The following SPAG16 variants were observed in gnomAD, a reference collection of about 807,000 sequenced individuals.
SPAG16 encodes the protein sperm-associated antigen 16 protein.
Under a neutral mutation model 80.4 loss-of-function variants are expected in SPAG16, and 86 were observed. The observed-to-expected ratio is 1.07, with a 90% CI of 0.90 to 1.28. SPAG16 has a LOEUF of 1.28. Among genes scored for constraint, SPAG16 ranks in the 50% most tolerant of loss-of-function variants. SPAG16 has a pLI of 0.00. For synonymous variants in SPAG16, 294 were observed against 265.9 expected (o/e 1.11, Z -1.03); for missense variants, 870 against 765.3 (o/e 1.14, Z -1.61).
At chr2:213,495,402 A>C (rs1184275824) in intron 10 of SPAG16, among the ~76,000 whole-genome samples, 1 of 152,242 alleles carries the variant, frequency 6.6e-6, no homozygotes, top group East Asian at 1.9e-4. Context: ...CTAATGAGCT[A>C]TCTCTTTGTG....
At chr2:214,013,212 C>A (rs549879945) in intron 12 of SPAG16, among the ~76,000 whole-genome samples, 59 of 141,274 alleles carry the variant, frequency 4.2e-4, no homozygotes, top group African/African-American at 1.4e-3. Context: ...AGTAATTAAT[C>A]GGTGCATTAA....
chr2:213,780,910 A>T (rs560948503), intron 10 of SPAG16, among the ~76,000 whole-genome samples: 69 of 152,290 alleles, frequency 4.5e-4, no homozygotes, highest in African/African-American at 1.6e-3. Flanking sequence ...CTAATAGTAT[A>T]CATTACCACT....
intron 15 of SPAG16, among the ~76,000 whole-genome samples, chr2:214,320,131 C>T (rs865784198): frequency 6.6e-6 from 1 of 152,122 alleles, no homozygotes; most frequent in Non-Finnish European, 1.5e-5. Context: ...TTCACCTTAT[C>T]GCTAACCCTA....
At chr2:213,779,811 C>T (rs1330193545) in intron 10 of SPAG16, among the ~76,000 whole-genome samples, 1 of 152,096 alleles carries the variant, frequency 6.6e-6, no homozygotes, top group Non-Finnish European at 1.5e-5. Flanking sequence ...AGTCTGAATA[C>T]TTAAAAATTG....
chr2:214,090,627 T>C (rs182315333), intron 13 of SPAG16, among the ~76,000 whole-genome samples: 1 of 152,076 alleles, frequency 6.6e-6, no homozygotes, highest in Non-Finnish European at 1.5e-5. Flanking sequence ...TCAACCCCAA[T>C]TTTCTTTGCA....
At position 213,566,896 on chromosome 2, in the gene SPAG16, A is replaced by G. The variant is rs1309815527; in HGVS notation, c.1070+76806A>G. 2.0e-5 allele frequency among the ~76,000 whole-genome samples: 3 copies of G among 152,220 alleles called. No individual in the cohort carries two copies. The East Asian group carries it at 5.8e-4, about 29-fold the overall frequency. ...ATAGATTGTGACACCAAATATAAGA[A>G]TCACTTTTTAAATTTTCTGAACACA... On this transcript the variant is annotated intron_variant, in intron 10 of 15. Coordinates refer to ENST00000331683, the MANE Select transcript of SPAG16 (RefSeq NM_024532.5).
At chr2:213,484,027 AT>A (rs1405722616) in intron 9 of SPAG16, among the ~76,000 whole-genome samples, 4 of 152,206 alleles carry the variant, frequency 2.6e-5, no homozygotes, top group African/African-American at 7.2e-5. Flanking sequence ...TGTTAAAATA[AT>A]GATGCTGTGA....
chr2:214,015,313 T>G (rs142117829), intron 13 of SPAG16, among the ~76,000 whole-genome samples: 120 of 152,126 alleles, frequency 7.9e-4, no homozygotes, highest in African/African-American at 2.8e-3. Flanking sequence ...AAAGGGCTGG[T>G]TTCGGCTGGG....
rs529166891 is a variant in SPAG16 at position 213,712,701 on chromosome 2, CA to C, written c.1071-149778del. On this transcript the variant is annotated intron_variant, in intron 10 of 15. Transcript: ENST00000331683. ...CCTTCCATATCAAGTGAAGCTGTCT[CA>C]AAAAAGACCATACTGAGAACTTACT... Among the ~76,000 whole-genome samples, 66 of 151,994 alleles carry C rather than the reference CA, an allele frequency of 4.3e-4. 1 individual carries two copies. In the South Asian group the frequency reaches 0.013, roughly 30 times the overall value.
intron 9 of SPAG16, among the ~76,000 whole-genome samples, chr2:213,454,366 C>T (rs554854296): frequency 6.6e-6 from 1 of 152,134 alleles, no homozygotes; most frequent in Non-Finnish European, 1.5e-5. Flanking sequence ...GGTTTTTAAT[C>T]CATATATTTG....
chr2:213,702,151 A>T (rs951662343), intron 10 of SPAG16, among the ~76,000 whole-genome samples: 3 of 152,212 alleles, frequency 2.0e-5, no homozygotes, highest in African/African-American at 7.2e-5. Flanking sequence ...AAACACTCCA[A>T]TCAGCTCTCT....
Position 213,490,079 on chromosome 2 carries a change from TC to T in SPAG16, c.1061del (p.Pro354GlnfsTer2). 1 of 1,582,340 alleles carries T rather than the reference TC, an allele frequency of 6.3e-7. No homozygotes were observed. ...LKNIFRLHEL[P>X]VSCVSMQPHK... ...AAAACATTTTTAGACTCCATGAACTTCCAGTGAGCTGGTAGGATTTTTGATG... is the reference window on the plus strand; with the variant it reads ...AAAACATTTTTAGACTCCATGAACTTCAGTGAGCTGGTAGGATTTTTGATG... On this transcript the variant is annotated frameshift_variant, in exon 10 of 16. Coordinates refer to ENST00000331683, the MANE Select transcript of SPAG16 (RefSeq NM_024532.5). LOFTEE classifies it high-confidence loss of function.
At chr2:214,302,787 A>G (rs779808589) in intron 15 of SPAG16, among the ~76,000 whole-genome samples, 1 of 152,154 alleles carries the variant, frequency 6.6e-6, no homozygotes, top group African/African-American at 2.4e-5. Flanking sequence ...CTGGCCAAAT[A>G]CTTCATTTTA....
At chr2:214,126,245 G>A (rs760411919) in intron 14 of SPAG16, among the ~76,000 whole-genome samples, 4 of 151,220 alleles carry the variant, frequency 2.6e-5, no homozygotes, top group South Asian at 4.2e-4. Flanking sequence ...CTTTCTTTGG[G>A]GGAGAGAAGT....
chr2:214,303,180 T>G (rs1272643463), intron 15 of SPAG16, among the ~76,000 whole-genome samples: 1 of 152,228 alleles, frequency 6.6e-6, no homozygotes, highest in Non-Finnish European at 1.5e-5. Flanking sequence ...GTTAGCTAGT[T>G]GCTTTGTAGT....
chr2:213,343,234 T>C (rs1456933478), intron 6 of SPAG16, among the ~76,000 whole-genome samples: 3 of 152,066 alleles, frequency 2.0e-5, no homozygotes, highest in African/African-American at 7.2e-5. Context: ...GTAACCTCAC[T>C]GAATACTCTG....
chr2:213,707,284 A>G (rs1302618840), intron 10 of SPAG16, among the ~76,000 whole-genome samples: 2 of 152,176 alleles, frequency 1.3e-5, no homozygotes, highest in Non-Finnish European at 2.9e-5. Flanking sequence ...CCCCTCATGA[A>G]TCATGTTCAA....
chr2:214,298,131 CACATACACATACACACACACACACAT>C (rs1168338928), intron 15 of SPAG16, among the ~76,000 whole-genome samples: 6 of 144,372 alleles, frequency 4.2e-5, no homozygotes, highest in African/African-American at 1.5e-4. Flanking sequence ...CACACACACA[CACATACACATACACACACACACACAT>C]ATACACACAC....
chr2:213,393,609 A>G (rs549342732), intron 9 of SPAG16, among the ~76,000 whole-genome samples: 32 of 152,130 alleles, frequency 2.1e-4, no homozygotes, highest in African/African-American at 7.7e-4. Context: ...TATGTCTCCA[A>G]GTGCATTAGT....
Sources: gnomAD v4.1 joint callset for allele counts (sites outside exome capture counted in the v4.1 genomes callset) on GRCh38, gnomAD v4.1.1 for gene constraint, MANE v1.5 for transcripts, NCBI Gene and HGNC (gene_info 2026-07-23, HGNC 2026-07-21) for gene names.